Variants in TET3 observed in about 807,000 individuals in gnomAD.
TET3 encodes methylcytosine dioxygenase TET3.
In TET3, 19 loss-of-function variants were observed where a neutral mutation model predicts 141.4. That is an observed-to-expected ratio of 0.13 (90% CI 0.09 to 0.20). The LOEUF (loss-of-function observed/expected upper bound fraction) is 0.20, where lower values mean the gene tolerates loss of function less well. Among genes scored for constraint, TET3 ranks in the 10% least tolerant of loss-of-function variants. The probability of loss-of-function intolerance (pLI) is 1.00; values close to 1 mark genes in which losing one functional copy is unlikely to be tolerated. For missense variants in TET3, 1,874 were observed against 2,356.9 expected, an observed-to-expected ratio of 0.80 and a Z score of 4.24; for synonymous variants, 1,043 against 980.9, an observed-to-expected ratio of 1.06 and a Z score of -1.18.
intron 10 of TET3, among the ~76,000 whole-genome samples, chr2:74,097,195 G>GCACACACACACACACACA (rs146612512): frequency 1.5e-3 from 205 of 138,018 alleles, no homozygotes; most frequent in Non-Finnish European, 2.0e-3. Context: ...AGCCATACAT[G>GCACACACACACACACACA]CACACACACA....
rs963280525 is a variant in TET3 at position 74,087,190 on chromosome 2, A to G, written c.2680-640A>G. 4.6e-5 allele frequency among the ~76,000 whole-genome samples: 7 copies of G among 152,188 alleles called. No homozygotes were observed. Among genetic ancestry groups the G allele is most frequent in the Non-Finnish European group, 1.0e-4 (7 of 68,028 alleles). ...CTGAGTAATACTTGGTTGTCTGTCTATACCACGTCGTACTTACCTGTTCAT... is the reference window on the plus strand; with the variant it reads ...CTGAGTAATACTTGGTTGTCTGTCTGTACCACGTCGTACTTACCTGTTCAT... On this transcript the variant is annotated intron_variant, in intron 6 of 11. Coordinates refer to ENST00000409262, the MANE Select transcript of TET3 (RefSeq NM_001287491.2). The surrounding 1 kb of genome is among the most constrained non-coding windows in gnomAD (Gnocchi z 4.3).
chr2:74,093,564 G>T lies in TET3; in HGVS notation c.3165G>T (p.Leu1055=). The change falls in exon 10 of 12, where the codon CTG becomes CTT. Residue 1055 remains leucine, a synonymous_variant. Transcript: ENST00000409262. This position sits in a 1 kb window ranked among gnomAD's most constrained non-coding sequence, Gnocchi z 4.2. Reference sequence around the variant, plus strand: ...AGGAAATAGCGATTGACTGCCGTCTGGGGCTGAAGGAAGGACGGCCCTTCG... The same window carrying T: ...AGGAAATAGCGATTGACTGCCGTCTTGGGCTGAAGGAAGGACGGCCCTTCG... ...TNEEIAIDCR[L]GLKEGRPFAG... 1 of 1,613,304 alleles carries T rather than the reference G, an allele frequency of 6.2e-7. No individual in the cohort carries two copies.
At chr2:74,034,815 G>A (rs1477954805) in intron 3 of TET3, among the ~76,000 whole-genome samples, 6 of 152,074 alleles carry the variant, frequency 3.9e-5, no homozygotes, top group East Asian at 1.9e-4. Flanking sequence ...TAGGAGATGT[G>A]CATGTTTGAC....
At chr2:74,054,671 G>A (rs1439686150) in intron 4 of TET3, among the ~76,000 whole-genome samples, 1 of 152,176 alleles carries the variant, frequency 6.6e-6, no homozygotes, top group Non-Finnish European at 1.5e-5. Flanking sequence ...CAAACAGGAG[G>A]CTTTGAAGAA....
At chr2:74,075,033 G>C (rs1458192969) in intron 5 of TET3, among the ~76,000 whole-genome samples, 1 of 152,078 alleles carries the variant, frequency 6.6e-6, no homozygotes, top group Non-Finnish European at 1.5e-5. Context: ...ACCACGCCTG[G>C]CTAATTTTTT....
intron 8 of TET3, among the ~76,000 whole-genome samples, chr2:74,090,869 G>T (rs570562323): frequency 6.6e-6 from 1 of 152,316 alleles, no homozygotes; most frequent in East Asian, 1.9e-4. Flanking sequence ...GCTCCTGAGC[G>T]GGTGGAGTGC....
At chr2:74,002,666 A>G in intron 2 of TET3, 1 of 402,144 alleles carries the variant, frequency 2.5e-6, no homozygotes, top group Non-Finnish European at 4.4e-6. Context: ...CCCCTCGCAC[A>G]CCAGCCCCGC....
chr2:73,991,823 A>G (rs916153921), intron 2 of TET3, among the ~76,000 whole-genome samples: 1 of 151,646 alleles, frequency 6.6e-6, no homozygotes, highest in African/African-American at 2.4e-5. Flanking sequence ...AAAAAAAAAA[A>G]AAAAAGAAGG....
intron 10 of TET3, among the ~76,000 whole-genome samples, chr2:74,097,195 G>GCACGCACA (rs1553435449): frequency 2.9e-5 from 4 of 137,960 alleles, no homozygotes; most frequent in Non-Finnish European, 6.3e-5. Flanking sequence ...AGCCATACAT[G>GCACGCACA]CACACACACA....
intron 3 of TET3, among the ~76,000 whole-genome samples, chr2:74,015,231 A>G (rs1350349259): frequency 2.0e-5 from 3 of 152,242 alleles, no homozygotes; most frequent in Admixed American, 1.3e-4. Flanking sequence ...AGGGAGAGGA[A>G]GAAAGGATGG....
At chr2:74,041,081 G>A (rs1267428868) in intron 3 of TET3, among the ~76,000 whole-genome samples, 1 of 152,100 alleles carries the variant, frequency 6.6e-6, no homozygotes, top group African/African-American at 2.4e-5. Context: ...ATAGCTGCTT[G>A]CTTTTCTTTT....
At chr2:74,060,766 C>A (rs1471805756) in intron 4 of TET3, among the ~76,000 whole-genome samples, 1 of 152,218 alleles carries the variant, frequency 6.6e-6, no homozygotes, top group Admixed American at 6.5e-5. Flanking sequence ...TTTAACAAAG[C>A]ACATCTTGCA....
intron 3 of TET3, among the ~76,000 whole-genome samples, chr2:74,025,295 G>GTT (rs1267577280): frequency 1.4e-5 from 2 of 139,584 alleles, no homozygotes; most frequent in African/African-American, 2.6e-5. Flanking sequence ...GTAGGTTTTT[G>GTT]TTTTTTTTTT....
chr2:74,028,501 G>T (rs1041789340), intron 3 of TET3, among the ~76,000 whole-genome samples: 1 of 152,134 alleles, frequency 6.6e-6, no homozygotes, highest in African/African-American at 2.4e-5. Context: ...TATGGTGTGA[G>T]GCAGGGGTTC....
chr2:74,013,111 C>G (rs1685549873), intron 3 of TET3, among the ~76,000 whole-genome samples: 1 of 151,720 alleles, frequency 6.6e-6, no homozygotes, highest in Non-Finnish European at 1.5e-5. Context: ...TCTCCCATCT[C>G]AGCCTCCCGA....
At chr2:74,112,490 CAAG>C (rs1295002938), downstream of TET3, among the ~76,000 whole-genome samples, 1 of 142,592 alleles carries the variant, frequency 7.0e-6, no homozygotes, top group Non-Finnish European at 1.5e-5. Flanking sequence ...AAATTATACT[CAAG>C]GAAGTAAATA....
chr2:74,011,968 T>C (rs1685459568), intron 3 of TET3, among the ~76,000 whole-genome samples: 1 of 152,186 alleles, frequency 6.6e-6, no homozygotes, highest in Non-Finnish European at 1.5e-5. Context: ...TGTTTGTTTT[T>C]TGTTTTTTGT....
chr2:74,096,608 A>T (rs1690845193), intron 10 of TET3, among the ~76,000 whole-genome samples: 2 of 151,792 alleles, frequency 1.3e-5, no homozygotes, highest in South Asian at 4.2e-4. Flanking sequence ...TTCTTCTAAA[A>T]ATACAAAAAG....
At chr2:74,086,342 C>T (rs2104047292) in intron 6 of TET3, among the ~76,000 whole-genome samples, 1 of 152,176 alleles carries the variant, frequency 6.6e-6, no homozygotes, top group South Asian at 2.1e-4. Context: ...GACCTGGATC[C>T]TGAGCAGCAG....
Sources: gnomAD v4.1 joint callset for allele counts (sites outside exome capture counted in the v4.1 genomes callset) on GRCh38, gnomAD v4.1.1 for gene constraint, Gnocchi (gnomAD v3.1) non-coding constraint, MANE v1.5 for transcripts, NCBI Gene and HGNC (gene_info 2026-07-23, HGNC 2026-07-21) for gene names.